The following GLUD1 variants were observed in gnomAD, a reference collection of about 807,000 sequenced individuals.
GLUD1 encodes glutamate dehydrogenase 1.
Under a neutral mutation model 56.0 loss-of-function variants are expected in GLUD1, and 22 were observed. That is an observed-to-expected ratio of 0.39 (90% CI 0.28 to 0.56). The LOEUF is 0.56. Ranked by LOEUF, GLUD1 falls within the 20% of genes least tolerant of loss-of-function variation. The pLI, the probability that GLUD1 is intolerant of heterozygous loss-of-function variation, is 0.58. For missense variants in GLUD1, 451 were observed against 732.0 expected, an observed-to-expected ratio of 0.62 and a Z score of 4.43; for synonymous variants, 223 against 269.9, an observed-to-expected ratio of 0.83 and a Z score of 1.70.
rs1377768302 is a variant in GLUD1 at position 87,094,780 on chromosome 10, G to A, written c.-11C>T. Reference sequence around the variant, plus strand: ...CAGGTAGCGGTACATGGCCACAAGCGGAGGGGAGGTGCGTGATGGTCGCGA... The same window carrying A: ...CAGGTAGCGGTACATGGCCACAAGCAGAGGGGAGGTGCGTGATGGTCGCGA... On this transcript the variant is annotated 5_prime_UTR_variant, in exon 1 of 13. Transcript: ENST00000277865. This position sits in a 1 kb window ranked among gnomAD's most constrained non-coding sequence, Gnocchi z 6.6. 7 of 1,530,774 alleles carry A rather than the reference G, an allele frequency of 4.6e-6. No homozygotes were observed. Among genetic ancestry groups the A allele is most frequent in the East Asian group, 2.7e-5 (1 of 37,170 alleles). The allele number at this position is 1,530,774 out of a possible 1,614,324, so 94.8% of individuals were successfully genotyped here. A position where few individuals can be genotyped will look rare whatever the true frequency, so the allele number is the denominator to read the frequency against.
intron 5 of GLUD1, among the ~76,000 whole-genome samples, chr10:87,063,231 G>A (rs889537459): frequency 2.0e-5 from 3 of 151,928 alleles, no homozygotes; most frequent in African/African-American, 7.3e-5. Flanking sequence ...GTGCCACCAC[G>A]CCCGGCTAAT....
Position 87,075,856 on chromosome 10 carries a change from G to C in GLUD1, c.582+112C>G, listed in dbSNP as rs1024321716. On this transcript the variant is annotated intron_variant, in intron 3 of 12. Coordinates refer to ENST00000277865, the MANE Select transcript of GLUD1 (RefSeq NM_005271.5). ...TTGAACCCGGGAGGCGGAGGTTGCA[G>C]TGAGCCAAGATTGCGCCATTGTACT... The C allele has an allele frequency of 3.8e-6, 3 of 788,590 alleles. No homozygotes were observed. In the African/African-American group the frequency reaches 5.1e-5, roughly 13 times the overall value. The allele number at this position is 788,590 out of a possible 1,614,324, so 48.8% of individuals were successfully genotyped here. A position where few individuals can be genotyped will look rare whatever the true frequency, so the allele number is the denominator to read the frequency against.
chr10:87,081,946 C>CAAAAAAA (rs71019464), intron 1 of GLUD1, among the ~76,000 whole-genome samples: 13 of 85,646 alleles, frequency 1.5e-4, no homozygotes, highest in Admixed American at 2.5e-4. Context: ...ATGATCAATA[C>CAAAAAAA]AAAAAAAAAA....
At chr10:87,074,641 AG>A in intron 3 of GLUD1, 27 bp from the exon 4 acceptor site, 1 of 1,319,280 alleles carries the variant, frequency 7.6e-7, no homozygotes, top group Non-Finnish European at 1.1e-6. Flanking sequence ...CAAAAACAAA[AG>A]AAAAAATTGA....
chr10:87,081,946 C>CAAAAAAAAAAAAAAA (rs71019464), intron 1 of GLUD1, among the ~76,000 whole-genome samples: 39 of 85,604 alleles, frequency 4.6e-4, no homozygotes, highest in Non-Finnish European at 6.0e-4. Flanking sequence ...ATGATCAATA[C>CAAAAAAAAAAAAAAA]AAAAAAAAAA....
At chr10:87,070,327 G>T (rs929738048) in intron 4 of GLUD1, among the ~76,000 whole-genome samples, 2 of 152,174 alleles carry the variant, frequency 1.3e-5, no homozygotes, top group African/African-American at 4.8e-5. Context: ...CCGGCTGGGC[G>T]CGGTGGCTCA....
At chr10:87,093,377 T>G (rs892052006) in intron 1 of GLUD1, among the ~76,000 whole-genome samples, 1 of 152,190 alleles carries the variant, frequency 6.6e-6, no homozygotes, top group African/African-American at 2.4e-5. Flanking sequence ...TTTATGTTAC[T>G]AAAGAGGTAT....
chr10:87,053,597 C>T (rs1845694399), intron 11 of GLUD1, among the ~76,000 whole-genome samples, 193 bp from the exon 12 acceptor site: 1 of 152,106 alleles, frequency 6.6e-6, no homozygotes, highest in Non-Finnish European at 1.5e-5. Flanking sequence ...GCTTGTTGAT[C>T]ACAATTTATT....
chr10:87,060,442 T>G, intron 8 of GLUD1: 1 of 668,120 alleles, frequency 1.5e-6, no homozygotes, highest in Non-Finnish European at 2.6e-6. Context: ...TTTTTTTGTT[T>G]GCTTGTTTTT....
intron 4 of GLUD1, among the ~76,000 whole-genome samples, chr10:87,072,966 A>G (rs1846278738): frequency 6.6e-6 from 1 of 152,210 alleles, no homozygotes. Flanking sequence ...AGGATGCACA[A>G]GTTCACAGTA....
chr10:87,059,309 G>C (rs1845869379), intron 9 of GLUD1, 36 bp from the exon 10 acceptor site: 1 of 1,608,146 alleles, frequency 6.2e-7, no homozygotes, highest in African/African-American at 1.3e-5. Context: ...ATTAGAAGAT[G>C]ATGGTTTTCG....
chr10:87,059,341 A>T, intron 9 of GLUD1, 68 bp from the exon 10 acceptor site: 1 of 1,478,390 alleles, frequency 6.8e-7, no homozygotes. Context: ...AATGAACCTA[A>T]GACCTTAATT....
rs139765042 is a variant in GLUD1, at chr10:87,059,583, A to G, written c.1279-310T>C. Among the ~76,000 whole-genome samples the G allele has an allele frequency of 4.6e-5, 7 of 152,318 alleles. No homozygotes were observed. In the East Asian group the frequency reaches 1.2e-3, roughly 25 times the overall value. Reference sequence around the variant, plus strand: ...AGTTCTCAGACTAAATGGCTTGCCCACCAACCAGTTGGACTGGACTGTCCA... The same window carrying G: ...AGTTCTCAGACTAAATGGCTTGCCCGCCAACCAGTTGGACTGGACTGTCCA... On this transcript the variant is annotated intron_variant, in intron 9 of 12. Coordinates refer to ENST00000277865, the MANE Select transcript of GLUD1 (RefSeq NM_005271.5).
intron 11 of GLUD1, 61 bp from the exon 12 acceptor site, chr10:87,053,465 TAAG>T (rs1368412217): frequency 9.4e-7 from 1 of 1,068,432 alleles, no homozygotes; most frequent in Admixed American, 1.7e-5. Context: ...TGTCCCTGTA[TAAG>T]ATGACAAAGG....
intron 1 of GLUD1, chr10:87,091,623 A>G (rs2133862575): frequency 1.0e-6 from 1 of 957,986 alleles, no homozygotes; most frequent in Non-Finnish European, 1.2e-6. Flanking sequence ...ACATGTAGTA[A>G]CTGGGAAAAG....
intron 11 of GLUD1, among the ~76,000 whole-genome samples, chr10:87,055,806 T>C (rs954003558): frequency 6.6e-6 from 1 of 152,154 alleles, no homozygotes; most frequent in Non-Finnish European, 1.5e-5. Context: ...TTTCCATCAC[T>C]GAATATTTCA....
chr10:87,074,452 C>CA (rs1486414966), intron 4 of GLUD1, 99 bp downstream of exon 4: 3 of 760,654 alleles, frequency 3.9e-6, no homozygotes, highest in Non-Finnish European at 7.2e-6. Context: ...CGCACCACTG[C>CA]ACTCTAGTCT....
At chr10:87,064,155 C>T (rs1377865349) in intron 5 of GLUD1, among the ~76,000 whole-genome samples, 1 of 152,094 alleles carries the variant, frequency 6.6e-6, no homozygotes, top group Non-Finnish European at 1.5e-5. Context: ...CCTCGTGATC[C>T]ACCCGCCTCG....
chr10:87,057,744 G>T lies in GLUD1; in HGVS notation c.1441C>A (p.His481Asn), dbSNP rs764760316. The T allele has an allele frequency of 6.3e-7, 1 of 1,595,352 alleles. No individual in the cohort carries two copies. Reference protein sequence around the residue: ...QESLERKFGKHGGTIPIVPTA... With the variant: ...QESLERKFGKNGGTIPIVPTA... ...GGTACAATGGGAATAGTTCCACCAT[G>T]CTTTCCAAATTTTCTTTCTAAACTC... The change falls in exon 11 of 13, where the codon CAT becomes AAT. Residue 481 changes from histidine (H) to asparagine (N), a missense_variant. His to Asn is a moderately conservative substitution (Grantham distance 68, BLOSUM62 1). This residue lies in a region of GLUD1 where 248 missense variants were observed against 460.0 expected (regional missense o/e 0.54). Coordinates refer to ENST00000277865, the MANE Select transcript of GLUD1 (RefSeq NM_005271.5).
Sources: allele counts gnomAD v4.1 joint callset (sites outside exome capture counted in the v4.1 genomes callset), GRCh38; gene constraint gnomAD v4.1.1; regional missense constraint gnomAD v4.1.1; non-coding constraint Gnocchi (gnomAD v3.1); transcripts MANE v1.5; gene names NCBI Gene and HGNC (gene_info 2026-07-23, HGNC 2026-07-21).